Variants in CNTN3 observed in about 807,000 individuals in gnomAD.
CNTN3 encodes contactin 3, also known as contactin-3.
In CNTN3, 60 loss-of-function variants were observed where a neutral mutation model predicts 119.1. The ratio of observed to expected loss-of-function variants is 0.50; its 90% CI spans 0.41 to 0.62. The LOEUF (loss-of-function observed/expected upper bound fraction) is 0.62. Among genes scored for constraint, CNTN3 ranks in the 20% least tolerant of loss-of-function variants. The pLI is 0.00. For missense variants in CNTN3, 1,101 were observed against 1,242.4 expected (o/e 0.89, Z 1.71); for synonymous variants, 450 against 438.7 (o/e 1.03, Z -0.32).
At chr3:74,543,134 A>G (rs1402812757) in intron 1 of CNTN3, among the ~76,000 whole-genome samples, 1 of 152,110 alleles carries the variant, frequency 6.6e-6, no homozygotes, top group Non-Finnish European at 1.5e-5. Context: ...TGTCTCAAAT[A>G]ACAAAAAAAA....
intron 4 of CNTN3, among the ~76,000 whole-genome samples, chr3:74,431,746 G>A (rs1256659357): frequency 6.6e-6 from 1 of 152,162 alleles, no homozygotes; most frequent in East Asian, 1.9e-4. Context: ...GAACTAAAAT[G>A]TAACATAATA....
intron 22 of CNTN3, among the ~76,000 whole-genome samples, 159 bp from the exon 23 acceptor site, chr3:74,264,660 C>T (rs1343309306): frequency 6.6e-6 from 1 of 152,084 alleles, no homozygotes; most frequent in Non-Finnish European, 1.5e-5. Context: ...AGAGGTGACA[C>T]TGAATCTGCC....
intron 20 of CNTN3, among the ~76,000 whole-genome samples, chr3:74,283,457 G>T (rs1410799813): frequency 1.3e-5 from 2 of 152,056 alleles, no homozygotes; most frequent in Admixed American, 1.3e-4. Flanking sequence ...AAATTGTAAA[G>T]GGATTTGGCT....
chr3:74,473,109 T>TCA (rs973780294), intron 4 of CNTN3, among the ~76,000 whole-genome samples: 3 of 151,322 alleles, frequency 2.0e-5, no homozygotes, highest in Non-Finnish European at 4.4e-5. Context: ...AATAATGTGC[T>TCA]ACCCTCTACT....
chr3:74,560,606 G>A (rs1228214417), intron 1 of CNTN3, among the ~76,000 whole-genome samples: 1 of 152,096 alleles, frequency 6.6e-6, no homozygotes, highest in Non-Finnish European at 1.5e-5. Context: ...CATTGTGGAA[G>A]ACAGTGTGGT....
intron 4 of CNTN3, among the ~76,000 whole-genome samples, chr3:74,465,943 C>T (rs1272216481): frequency 6.6e-6 from 1 of 152,098 alleles, no homozygotes; most frequent in Non-Finnish European, 1.5e-5. Flanking sequence ...GGAGAGATAC[C>T]AAGGCCTGAA....
At chr3:74,284,541 T>G (rs912640392) in intron 20 of CNTN3, among the ~76,000 whole-genome samples, 4 of 152,194 alleles carry the variant, frequency 2.6e-5, no homozygotes, top group Non-Finnish European at 5.9e-5. Context: ...ACAGAATGTT[T>G]TCAATCACTA....
At chr3:74,264,548 G>A (rs762567462) in intron 22 of CNTN3, 47 bp from the exon 23 acceptor site, 3 of 1,249,856 alleles carry the variant, frequency 2.4e-6, no homozygotes, top group Non-Finnish European at 3.5e-6. Flanking sequence ...GTACCAATAT[G>A]TAATCAGGGT....
At chr3:74,366,761 T>C (rs867515556) in intron 8 of CNTN3, among the ~76,000 whole-genome samples, 2 of 65,976 alleles carry the variant, frequency 3.0e-5, no homozygotes, top group East Asian at 1.0e-3. Context: ...TGTGTGTGCG[T>C]GTGTGTGTGT....
At chr3:74,416,397 ATAAGAGATACAGAGGTTAGGCAACCTG>A (rs1250750541) in intron 5 of CNTN3, among the ~76,000 whole-genome samples, 2 of 152,194 alleles carry the variant, frequency 1.3e-5, no homozygotes, top group Admixed American at 1.3e-4. Context: ...TAGATAAGAA[ATAAGAGATACAGAGGTTAGGCAACCTG>A]TTCCAAATTC....
intron 4 of CNTN3, among the ~76,000 whole-genome samples, chr3:74,432,736 A>C (rs565905656): frequency 6.6e-6 from 1 of 152,306 alleles, no homozygotes; most frequent in African/African-American, 2.4e-5. Context: ...CATGTTCAAA[A>C]CTCAATCATT....
chr3:74,454,711 T>C (rs1046019652), intron 4 of CNTN3, among the ~76,000 whole-genome samples: 11 of 152,092 alleles, frequency 7.2e-5, no homozygotes, highest in African/African-American at 2.4e-4. Flanking sequence ...GGCCTGGTGG[T>C]GACAAAATCT....
In CNTN3 at chr3:74,278,023, C is replaced by CA. The variant is rs747488908; in HGVS notation, c.2704+7281dup. On this transcript the variant is annotated intron_variant, in intron 20 of 22. Transcript: ENST00000263665. ...ACTCAACCCCTTTTACAATAGCTGC[C>CA]AAAAAAAAAAAACCACTTATGAATA... 1.3e-3 allele frequency among the ~76,000 whole-genome samples: 140 copies of CA among 108,200 alleles called. 1 individual carries two copies. The highest frequency in any genetic ancestry group is 1.1e-3 in the Non-Finnish European group (61 of 55,104). 71.0% of individuals were successfully genotyped at this position (108,200 alleles called of 152,430 possible). A position where few individuals can be genotyped will look rare whatever the true frequency, so the allele number is the denominator to read the frequency against.
intron 1 of CNTN3, among the ~76,000 whole-genome samples, chr3:74,590,618 A>T (rs1328314149): frequency 6.6e-6 from 1 of 152,028 alleles, no homozygotes; most frequent in East Asian, 1.9e-4. Flanking sequence ...GATACAGGCC[A>T]TGGGGCTAGA....
intron 1 of CNTN3, among the ~76,000 whole-genome samples, chr3:74,565,257 T>C (rs1704209553): frequency 6.6e-6 from 1 of 152,174 alleles, no homozygotes; most frequent in Non-Finnish European, 1.5e-5. Flanking sequence ...TCTTCTCCTG[T>C]AGGCTCTAAG....
rs531153805 is a variant in CNTN3, at chr3:74,274,564, C to G, written c.2705-7186G>C. Among the ~76,000 whole-genome samples the G allele has an allele frequency of 1.7e-4, 26 of 152,254 alleles. 1 individual carries two copies. The highest frequency in any genetic ancestry group is 5.5e-4 in the African/African-American group (23 of 41,558). On this transcript the variant is annotated intron_variant, in intron 20 of 22. Transcript: ENST00000263665. The stretch of plus-strand genomic sequence containing the variant: ...CCAGAAGAGACATAAACAATCACTA[C>G]AGCTTGGCTCTCAGAAAGCCACATC...
chr3:74,373,409 A>T (rs191375105), intron 5 of CNTN3, among the ~76,000 whole-genome samples: 219 of 152,288 alleles, frequency 1.4e-3, no homozygotes, highest in African/African-American at 5.0e-3. Context: ...TGAAACTAAC[A>T]AGGTTGTCCT....
chr3:74,375,993 G>A (rs898674439), intron 5 of CNTN3, among the ~76,000 whole-genome samples: 2 of 152,106 alleles, frequency 1.3e-5, no homozygotes, highest in African/African-American at 4.8e-5. Flanking sequence ...GAGAGGGGCA[G>A]GAGAGTCAAA....
At chr3:74,491,501 A>T (rs1437033122) in intron 3 of CNTN3, among the ~76,000 whole-genome samples, 1 of 150,290 alleles carries the variant, frequency 6.7e-6, no homozygotes, top group Admixed American at 6.6e-5. Flanking sequence ...TCCTGTCTCA[A>T]AAAACAAAAA....
Sources: allele counts gnomAD v4.1 joint callset (sites outside exome capture counted in the v4.1 genomes callset), GRCh38; gene constraint gnomAD v4.1.1; transcripts MANE v1.5; gene names NCBI Gene and HGNC (gene_info 2026-07-23, HGNC 2026-07-21).